Variants in PCSK5 observed in about 807,000 individuals in gnomAD.
PCSK5 encodes the protein prohormone convertase 5.
PCSK5 carries 129 observed loss-of-function variants against 233.2 expected under a neutral mutation model. The ratio of observed to expected loss-of-function variants is 0.55; its 90% confidence interval spans 0.48 to 0.64. PCSK5 has a LOEUF of 0.64. Ranked by LOEUF, PCSK5 falls within the 30% of genes least tolerant of loss-of-function variation. The pLI is 0.00. For synonymous variants in PCSK5, 825 were observed against 879.2 expected, an observed-to-expected ratio of 0.94 and a Z score of 1.09; for missense variants, 2,076 against 2,430.1, an observed-to-expected ratio of 0.85 and a Z score of 3.06.
At chr9:76,299,940 A>G (rs1400508464) in intron 27 of PCSK5, among the ~76,000 whole-genome samples, 2 of 152,226 alleles carry the variant, frequency 1.3e-5, no homozygotes, top group Non-Finnish European at 2.9e-5. Context: ...TAATTTCTGC[A>G]CATTTATCTT....
intron 5 of PCSK5, among the ~76,000 whole-genome samples, chr9:76,051,061 C>T (rs904139604): frequency 7.9e-5 from 12 of 152,170 alleles, no homozygotes; most frequent in African/African-American, 2.7e-4. Flanking sequence ...GGCCACACTC[C>T]ATTTCTAGGG....
At chr9:75,964,504 A>T (rs950643746) in intron 2 of PCSK5, among the ~76,000 whole-genome samples, 1 of 152,188 alleles carries the variant, frequency 6.6e-6, no homozygotes, top group African/African-American at 2.4e-5. Flanking sequence ...GACACAGTTG[A>T]AAAAAACATG....
chr9:76,345,750 C>T (rs533643733), intron 35 of PCSK5, among the ~76,000 whole-genome samples: 165 of 151,498 alleles, frequency 1.1e-3, no homozygotes, highest in African/African-American at 3.8e-3. Flanking sequence ...GACAGAGTCT[C>T]GCTTTGTTGC....
intron 24 of PCSK5, among the ~76,000 whole-genome samples, chr9:76,282,702 G>A (rs1827921306): frequency 1.3e-5 from 2 of 152,152 alleles, no homozygotes; most frequent in Non-Finnish European, 2.9e-5. Context: ...TGATGCCGAG[G>A]TTTGGGGTAT....
chr9:75,970,124 T>A (rs4073761), intron 2 of PCSK5, among the ~76,000 whole-genome samples: 1 of 151,928 alleles, frequency 6.6e-6, no homozygotes, highest in Non-Finnish European at 1.5e-5. Context: ...CCGCCCACCT[T>A]GGCCTCCCAA....
intron 3 of PCSK5, among the ~76,000 whole-genome samples, chr9:76,000,286 T>C (rs554105987): frequency 6.6e-6 from 1 of 152,296 alleles, no homozygotes; most frequent in East Asian, 1.9e-4. Context: ...TATCAATAAA[T>C]TGGTAGGTAG....
rs368388591 is a variant in PCSK5 at position 76,022,271 on chromosome 9, A to G, written c.412-1467A>G. On this transcript the variant is annotated intron_variant, in intron 3 of 37. Coordinates refer to ENST00000674117, the MANE Select transcript of PCSK5 (RefSeq NM_001372043.1). ...CCTCATCTGCCTTGCGCACAGCCAT[A>G]CCCTAGCATATAAATTCAAGCCAGG... 4.6e-5 allele frequency among the ~76,000 whole-genome samples: 7 copies of G among 152,300 alleles called. No homozygotes were observed. The South Asian group carries it at 6.2e-4, about 14-fold the overall frequency.
chr9:76,314,387 AC>A (rs143550999), intron 30 of PCSK5, among the ~76,000 whole-genome samples: 42,706 of 151,800 alleles, frequency 0.28, 6,311 homozygotes, highest in Middle Eastern at 0.39. Context: ...TTAAACACAC[AC>A]AAAAAAAGAA....
chr9:75,915,842 T>C (rs962049766), intron 1 of PCSK5, among the ~76,000 whole-genome samples: 9 of 152,214 alleles, frequency 5.9e-5, no homozygotes, highest in Non-Finnish European at 7.3e-5. Context: ...AGTTTATCTT[T>C]TACATCAACA....
chr9:76,208,211 G>A (rs1044426220), intron 20 of PCSK5, among the ~76,000 whole-genome samples: 1 of 152,106 alleles, frequency 6.6e-6, no homozygotes, highest in Non-Finnish European at 1.5e-5. Context: ...AGTTTTGGAG[G>A]GGACATTCAA....
chr9:76,126,604 A>G (rs1303001662), intron 9 of PCSK5, among the ~76,000 whole-genome samples: 1 of 151,846 alleles, frequency 6.6e-6, no homozygotes, highest in East Asian at 1.9e-4. Context: ...CAAGAGTGAA[A>G]CTCCATCTCA....
In PCSK5 at chr9:76,358,636, A is replaced by C. The variant is rs773920310; in HGVS notation, c.5378A>C (p.Lys1793Thr). The C allele has an allele frequency of 3.7e-6, 6 of 1,612,806 alleles. No individual in the cohort carries two copies. Residue 1793 changes from lysine to threonine, a missense_variant, in exon 38 of 38, where the codon AAA becomes ACA. Lys to Thr is a moderately conservative substitution (Grantham distance 78). Coordinates refer to ENST00000674117, the MANE Select transcript of PCSK5 (RefSeq NM_001372043.1). ...LLGAAVVVWK[K>T]SRGRVQPAAK... ...GGGGCAGCTGTGGTAGTGTGGAAGAAATCTCGTGGCCGAGTCCAGCCAGCA... is the reference window on the plus strand; with the variant it reads ...GGGGCAGCTGTGGTAGTGTGGAAGACATCTCGTGGCCGAGTCCAGCCAGCA...
At chr9:76,220,856 C>T (rs1021603214) in intron 20 of PCSK5, among the ~76,000 whole-genome samples, 2 of 152,080 alleles carry the variant, frequency 1.3e-5, no homozygotes, top group South Asian at 2.1e-4. Context: ...ATAAATCTCT[C>T]GAACTTATCC....
intron 3 of PCSK5, among the ~76,000 whole-genome samples, chr9:75,992,692 C>T (rs1351399286): frequency 6.6e-6 from 1 of 152,132 alleles, no homozygotes. Context: ...GACTGGTACT[C>T]TTGACTCATC....
chr9:75,908,923 CTCTCTATCTCTCTCTCTG>C (rs1822559250), intron 1 of PCSK5, among the ~76,000 whole-genome samples: 48 of 111,208 alleles, frequency 4.3e-4, no homozygotes, highest in Admixed American at 5.9e-4. Flanking sequence ...ATCTATCTAT[CTCTCTATCTCTCTCTCTG>C]TCTATCTATC....
intron 6 of PCSK5, among the ~76,000 whole-genome samples, chr9:76,070,490 T>C (rs1830446023): frequency 6.6e-6 from 1 of 152,200 alleles, no homozygotes; most frequent in Non-Finnish European, 1.5e-5. Flanking sequence ...TGGGAACTTA[T>C]GTCCCTATTT....
chr9:76,299,048 C>T (rs930510548), intron 27 of PCSK5, among the ~76,000 whole-genome samples: 3 of 152,144 alleles, frequency 2.0e-5, no homozygotes, highest in African/African-American at 7.2e-5. Context: ...AAATAAAAGT[C>T]CAGCTAGAGT....
chr9:76,226,824 T>C (rs1283309851), intron 20 of PCSK5, among the ~76,000 whole-genome samples: 1 of 152,164 alleles, frequency 6.6e-6, no homozygotes, highest in Non-Finnish European at 1.5e-5. Context: ...TCTGCCACCT[T>C]TGCTGTGGGA....
At chr9:76,238,143 C>G (rs552267709) in intron 22 of PCSK5, among the ~76,000 whole-genome samples, 1 of 152,172 alleles carries the variant, frequency 6.6e-6, no homozygotes, top group Non-Finnish European at 1.5e-5. Flanking sequence ...ACACTCAGCA[C>G]AAAAACTCCG....
Sources: gnomAD v4.1 joint callset for allele counts (sites outside exome capture counted in the v4.1 genomes callset) on GRCh38, gnomAD v4.1.1 for gene constraint, MANE v1.5 for transcripts, NCBI Gene and HGNC (gene_info 2026-07-23, HGNC 2026-07-21) for gene names.